The following PACSIN2 variants were observed in gnomAD, a reference collection of about 807,000 sequenced individuals.
PACSIN2 encodes the protein protein kinase C and casein kinase substrate in neurons protein 2.
PACSIN2 carries 25 observed loss-of-function variants against 63.8 expected under a neutral mutation model. The observed-to-expected ratio is 0.39, with a 90% CI of 0.29 to 0.55. The LOEUF is 0.55. PACSIN2 is among the 20% of genes least tolerant of loss of function. PACSIN2 has a pLI of 0.62. For missense variants in PACSIN2, 518 were observed against 646.9 expected (o/e 0.80, Z 2.16); for synonymous variants, 255 against 256.2 (o/e 1.00, Z 0.05).
At chr22:42,978,728 T>C (rs913012845) in intron 1 of PACSIN2, among the ~76,000 whole-genome samples, 5 of 152,196 alleles carry the variant, frequency 3.3e-5, no homozygotes, top group Admixed American at 6.5e-5. Flanking sequence ...TATTCAAAAG[T>C]ATGTTTGCAT....
intron 1 of PACSIN2, among the ~76,000 whole-genome samples, chr22:42,921,959 G>T (rs546092233): frequency 7.9e-5 from 12 of 152,002 alleles, no homozygotes; most frequent in Non-Finnish European, 1.2e-4. Flanking sequence ...GGCTGGTCTC[G>T]AACTCCTGAA....
intron 1 of PACSIN2, among the ~76,000 whole-genome samples, chr22:42,922,661 T>C (rs1932272206): frequency 1.3e-5 from 2 of 152,188 alleles, no homozygotes; most frequent in African/African-American, 2.4e-5. Flanking sequence ...TAACGATTTA[T>C]TCTAAGCCAA....
At chr22:43,012,896 C>T (rs550123979) in intron 1 of PACSIN2, among the ~76,000 whole-genome samples, 20 of 152,070 alleles carry the variant, frequency 1.3e-4, no homozygotes, top group Non-Finnish European at 8.8e-5. Flanking sequence ...TCTGGTGATC[C>T]GCCCGCCTCT....
intron 1 of PACSIN2, among the ~76,000 whole-genome samples, chr22:43,006,684 G>T (rs189443992): frequency 6.6e-6 from 1 of 152,034 alleles, no homozygotes; most frequent in African/African-American, 2.4e-5. Context: ...GCATGATGGC[G>T]CATGCCTATA....
At chr22:42,925,954 C>T (rs751092988) in intron 1 of PACSIN2, among the ~76,000 whole-genome samples, 8 of 152,166 alleles carry the variant, frequency 5.3e-5, no homozygotes, top group Non-Finnish European at 1.2e-4. Flanking sequence ...AGAATGGGGT[C>T]TCTTGCTTGT....
intron 2 of PACSIN2, among the ~76,000 whole-genome samples, chr22:42,899,561 G>A (rs1930530296): frequency 6.6e-6 from 1 of 152,196 alleles, no homozygotes; most frequent in African/African-American, 2.4e-5. Flanking sequence ...GGGCAGAGGT[G>A]GGTGTACAGC....
At chr22:42,879,382 A>G (rs1928903678) in intron 7 of PACSIN2, among the ~76,000 whole-genome samples, 1 of 152,180 alleles carries the variant, frequency 6.6e-6, no homozygotes, top group Non-Finnish European at 1.5e-5. Flanking sequence ...CTCACTGTTC[A>G]AAGCAGGGGC....
At chr22:43,010,301 A>T (rs1015781893) in intron 1 of PACSIN2, among the ~76,000 whole-genome samples, 1 of 149,906 alleles carries the variant, frequency 6.7e-6, no homozygotes, top group Admixed American at 6.7e-5. Flanking sequence ...CACTTTGGGA[A>T]CCCGAGATGG....
At chr22:42,884,274 G>T in intron 6 of PACSIN2, 112 bp downstream of exon 6, 1 of 938,448 alleles carries the variant, frequency 1.1e-6, no homozygotes, top group Non-Finnish European at 1.6e-6. Flanking sequence ...GCGGTGAGGA[G>T]ACCTCCTGAT....
chr22:42,993,084 G>C (rs5759075), intron 1 of PACSIN2, among the ~76,000 whole-genome samples: 92,543 of 151,686 alleles, frequency 0.61, 28,835 homozygotes, highest in East Asian at 0.81. Context: ...GGAAGCAGGA[G>C]AATCACTTCA....
chr22:42,941,662 T>C (rs779674111), intron 1 of PACSIN2, among the ~76,000 whole-genome samples: 2 of 152,256 alleles, frequency 1.3e-5, no homozygotes, highest in Non-Finnish European at 2.9e-5. Flanking sequence ...TATCTTTTCA[T>C]GTGCTTATTG....
intron 1 of PACSIN2, among the ~76,000 whole-genome samples, chr22:42,916,709 C>A (rs117753768): frequency 6.6e-6 from 1 of 152,280 alleles, no homozygotes; most frequent in East Asian, 1.9e-4. Context: ...CCCATGACTT[C>A]AAACGGCATC....
Position 42,929,499 on chromosome 22 carries a change from A to G in PACSIN2, c.-77-17342T>C, listed in dbSNP as rs536014894. ...AGTGGATTGTGAAATGTTCAGTGGG[A>G]GTGGCGTGCCTACGAATGGCTTGAT... is the stretch of plus-strand genomic sequence containing the variant. On this transcript the variant is annotated intron_variant, in intron 1 of 10. Coordinates refer to ENST00000263246, the MANE Select transcript of PACSIN2 (RefSeq NM_001184970.3). 6.4e-4 allele frequency among the ~76,000 whole-genome samples: 98 copies of G among 152,364 alleles called. 1 individual carries two copies. The highest frequency in any genetic ancestry group is 4.2e-3 in the Admixed American group (65 of 15,306).
intron 1 of PACSIN2, among the ~76,000 whole-genome samples, chr22:43,009,771 T>C (rs769180117): frequency 6.6e-6 from 1 of 152,174 alleles, no homozygotes; most frequent in African/African-American, 2.4e-5. Flanking sequence ...ACACATGCAC[T>C]TTCCAAAGGT....
chr22:42,872,089 T>A (rs2073200), intron 10 of PACSIN2, among the ~76,000 whole-genome samples: 7,813 of 152,310 alleles, frequency 0.051, 585 homozygotes, highest in East Asian at 0.34. Flanking sequence ...CTCTAATGTA[T>A]TAACGTGGTT....
intron 2 of PACSIN2, among the ~76,000 whole-genome samples, chr22:42,898,264 C>T (rs181044720): frequency 6.8e-6 from 1 of 146,176 alleles, no homozygotes; most frequent in Non-Finnish European, 1.5e-5. Flanking sequence ...GGAAAGAGAA[C>T]CTCCTTCCTT....
intron 3 of PACSIN2, 47 bp downstream of exon 3, chr22:42,893,410 G>A: frequency 6.3e-7 from 1 of 1,591,504 alleles, no homozygotes; most frequent in Non-Finnish European, 8.6e-7. Context: ...CCCCCGGCTG[G>A]GGTGTAGCTG....
chr22:42,968,041 C>T (rs991253318), intron 1 of PACSIN2, among the ~76,000 whole-genome samples: 1 of 152,140 alleles, frequency 6.6e-6, no homozygotes, highest in Admixed American at 6.5e-5. Context: ...GGGAGTACTG[C>T]GCCAGTTTTC....
intron 1 of PACSIN2, among the ~76,000 whole-genome samples, chr22:42,932,052 A>C (rs1410487926): frequency 6.6e-6 from 1 of 152,076 alleles, no homozygotes; most frequent in Non-Finnish European, 1.5e-5. Flanking sequence ...ACATCACTTC[A>C]ACCCTAACTC....
Sources: gnomAD v4.1 joint callset for allele counts (sites outside exome capture counted in the v4.1 genomes callset) on GRCh38, gnomAD v4.1.1 for gene constraint, MANE v1.5 for transcripts, NCBI Gene and HGNC (gene_info 2026-07-23, HGNC 2026-07-21) for gene names.